STK3: variants seen among roughly 807,000 people sequenced by gnomAD.
The protein encoded by STK3 is serine/threonine-protein kinase 3.
In STK3, 41 loss-of-function variants were observed where a neutral mutation model predicts 58.0. The observed-to-expected ratio is 0.71, with a 90% CI of 0.55 to 0.92. The LOEUF (loss-of-function observed/expected upper bound fraction) is 0.92. Ranked by LOEUF, STK3 falls within the 40% of genes least tolerant of loss-of-function variation. The pLI, the probability that STK3 is intolerant of heterozygous loss-of-function variation, is 0.00. For missense variants in STK3, 479 were observed against 602.7 expected (o/e 0.79, Z 2.15); for synonymous variants, 170 against 191.0 (o/e 0.89, Z 0.91).
At chr8:98,694,521 C>A (rs1824692706) in intron 6 of STK3, among the ~76,000 whole-genome samples, 1 of 152,068 alleles carries the variant, frequency 6.6e-6, no homozygotes, top group Non-Finnish European at 1.5e-5. Context: ...CCAGAACAGT[C>A]CCCAGAGTGT....
chr8:98,927,295 C>T (rs1839835823), intron 1 of STK3, among the ~76,000 whole-genome samples: 1 of 152,242 alleles, frequency 6.6e-6, no homozygotes, highest in South Asian at 2.1e-4. Flanking sequence ...GTCTGCTCAA[C>T]AGTCCTTCCT....
intron 6 of STK3, among the ~76,000 whole-genome samples, chr8:98,649,289 C>T (rs943319170): frequency 5.3e-5 from 8 of 151,866 alleles, no homozygotes; most frequent in Admixed American, 3.3e-4. Context: ...CCCAACCTAC[C>T]GCTTATCTAT....
chr8:98,623,374 T>C (rs530917889), intron 6 of STK3, among the ~76,000 whole-genome samples: 43 of 152,282 alleles, frequency 2.8e-4, no homozygotes, highest in African/African-American at 9.9e-4. Flanking sequence ...TATTTGCAGA[T>C]TGGGCCTTTA....
chr8:98,536,798 T>C (rs1426397803), intron 9 of STK3, among the ~76,000 whole-genome samples: 1 of 152,214 alleles, frequency 6.6e-6, no homozygotes, highest in Non-Finnish European at 1.5e-5. Context: ...ACTGATACAT[T>C]TCTATTCCCA....
chr8:98,525,244 G>A (rs944142205), intron 10 of STK3, among the ~76,000 whole-genome samples: 9 of 152,108 alleles, frequency 5.9e-5, no homozygotes, highest in Admixed American at 2.0e-4. Flanking sequence ...CACAGAGTGC[G>A]GAATAATAGA....
intron 3 of STK3, among the ~76,000 whole-genome samples, chr8:98,425,788 C>A (rs556120430): frequency 6.6e-6 from 1 of 152,220 alleles, no homozygotes; most frequent in Non-Finnish European, 1.5e-5. Context: ...GCCAGGATTG[C>A]GTAAAGAAAG....
chr8:98,859,690 G>T (rs1304975901), intron 3 of STK3, among the ~76,000 whole-genome samples: 1 of 152,132 alleles, frequency 6.6e-6, no homozygotes, highest in East Asian at 1.9e-4. Context: ...TGGCCATCCA[G>T]GGCATGCTTT....
At chr8:98,525,509 T>C (rs1825682283) in intron 10 of STK3, among the ~76,000 whole-genome samples, 1 of 152,086 alleles carries the variant, frequency 6.6e-6, no homozygotes. Flanking sequence ...ATTATATTCA[T>C]GAATAATTTA....
chr8:98,845,812 G>A (rs1836179779), intron 3 of STK3, among the ~76,000 whole-genome samples: 1 of 152,192 alleles, frequency 6.6e-6, no homozygotes, highest in South Asian at 2.1e-4. Context: ...AGAATGATTG[G>A]AAGACTTGTA....
At chr8:98,667,969 T>A (rs188149755) in intron 6 of STK3, among the ~76,000 whole-genome samples, 1 of 152,126 alleles carries the variant, frequency 6.6e-6, no homozygotes, top group Admixed American at 6.5e-5. Context: ...TAAAAGTTAA[T>A]CAATGCTTAA....
chr8:98,379,716 CAT>C (rs1817713015), intron 1 of STK3, among the ~76,000 whole-genome samples: 1 of 152,180 alleles, frequency 6.6e-6, no homozygotes, highest in Non-Finnish European at 1.5e-5. Context: ...TAAAAGGCAA[CAT>C]GTGTTCATTG....
chr8:98,834,544 G>T (rs995494063), intron 3 of STK3, among the ~76,000 whole-genome samples: 1 of 152,212 alleles, frequency 6.6e-6, no homozygotes, highest in Non-Finnish European at 1.5e-5. Flanking sequence ...TCCAAGCAAA[G>T]AAAACATAAG....
intron 4 of STK3, among the ~76,000 whole-genome samples, chr8:98,715,691 A>G (rs1366604882): frequency 1.3e-5 from 2 of 152,250 alleles, no homozygotes; most frequent in Admixed American, 6.5e-5. Context: ...ATGGGACTGT[A>G]AACTAGTTCA....
intron 1 of STK3, among the ~76,000 whole-genome samples, chr8:98,909,368 C>T (rs777177738): frequency 6.6e-6 from 1 of 152,066 alleles, no homozygotes; most frequent in Admixed American, 6.5e-5. Flanking sequence ...TCACATACCA[C>T]GCAACTCACA....
chr8:98,664,671 A>G (rs549233430), intron 6 of STK3, among the ~76,000 whole-genome samples: 8 of 152,284 alleles, frequency 5.3e-5, no homozygotes, highest in South Asian at 2.1e-4. Flanking sequence ...AATGCTTTCC[A>G]TATTAACTGA....
At chr8:98,850,919 T>C (rs1836444688) in intron 3 of STK3, among the ~76,000 whole-genome samples, 1 of 152,130 alleles carries the variant, frequency 6.6e-6, no homozygotes. Context: ...GCAGCCACAA[T>C]GGTGAGAGAG....
chr8:98,847,740 T>C (rs1836266599), intron 3 of STK3, among the ~76,000 whole-genome samples: 1 of 152,186 alleles, frequency 6.6e-6, no homozygotes. Context: ...TGTTTGTTTT[T>C]ACTTTTAAAA....
intron 4 of STK3, among the ~76,000 whole-genome samples, chr8:98,715,864 A>G (rs910150068): frequency 6.6e-6 from 1 of 152,218 alleles, no homozygotes; most frequent in Non-Finnish European, 1.5e-5. Flanking sequence ...TCACAATAGC[A>G]AAGACTTGGA....
intron 6 of STK3, among the ~76,000 whole-genome samples, chr8:98,620,531 T>C (rs879908224): frequency 7.4e-6 from 1 of 134,246 alleles, no homozygotes; most frequent in Non-Finnish European, 1.6e-5. Context: ...AAAAAGAAGA[T>C]GTCTCAAGGG....
Sources: gnomAD v4.1 joint callset for allele counts (sites outside exome capture counted in the v4.1 genomes callset) on GRCh38, gnomAD v4.1.1 for gene constraint, MANE v1.5 for transcripts, NCBI Gene and HGNC (gene_info 2026-07-23, HGNC 2026-07-21) for gene names.